The following ETV6 variants were observed in gnomAD, a reference collection of about 807,000 sequenced individuals.
ETV6 encodes the protein transcription factor ETV6.
A neutral mutation model predicts 51.1 loss-of-function variants in ETV6; 16 were observed. The observed-to-expected ratio is 0.31, with a 90% CI of 0.21 to 0.48. The LOEUF (loss-of-function observed/expected upper bound fraction) is 0.48. Ranked by LOEUF, ETV6 falls within the 20% of genes least tolerant of loss-of-function variation. The pLI, the probability that ETV6 is intolerant of heterozygous loss-of-function variation, is 0.99. For missense variants in ETV6, 458 were observed against 594.8 expected, an observed-to-expected ratio of 0.77 and a Z score of 2.39; for synonymous variants, 240 against 224.1, an observed-to-expected ratio of 1.07 and a Z score of -0.64.
chr12:11,703,431 G>T (rs572555339), intron 1 of ETV6, among the ~76,000 whole-genome samples: 1 of 151,636 alleles, frequency 6.6e-6, no homozygotes, highest in Non-Finnish European at 1.5e-5. Context: ...AAAGGTTAGA[G>T]AAATTTGGGG....
At chr12:11,650,278 T>C (rs1379603622) in intron 1 of ETV6, 118 bp downstream of exon 1, 5 of 930,644 alleles carry the variant, frequency 5.4e-6, no homozygotes, top group Admixed American at 1.7e-5. Context: ...AGGAAATTAT[T>C]TGGGGCGAGA....
At chr12:11,806,359 A>G (rs886718585) in intron 2 of ETV6, among the ~76,000 whole-genome samples, 1 of 152,256 alleles carries the variant, frequency 6.6e-6, no homozygotes, top group African/African-American at 2.4e-5. Context: ...CCAAAAGTCT[A>G]GTAACAGGCA....
intron 2 of ETV6, among the ~76,000 whole-genome samples, chr12:11,808,083 C>T (rs1945855970): frequency 6.6e-6 from 1 of 152,152 alleles, no homozygotes; most frequent in Non-Finnish European, 1.5e-5. Context: ...ACAAGGCATT[C>T]CTAGAATTCT....
intron 2 of ETV6, among the ~76,000 whole-genome samples, chr12:11,789,490 A>G (rs1201887772): frequency 1.3e-5 from 2 of 152,110 alleles, no homozygotes; most frequent in Non-Finnish European, 2.9e-5. Context: ...GTGCCCAGCT[A>G]TGACCTTTGT....
chr12:11,709,971 T>C (rs1437053838), intron 1 of ETV6, among the ~76,000 whole-genome samples: 1 of 152,240 alleles, frequency 6.6e-6, no homozygotes, highest in Non-Finnish European at 1.5e-5. Context: ...TCACTTTCTC[T>C]GGAGAACCCT....
At chr12:11,752,902 T>C in intron 2 of ETV6, 1 of 218,376 alleles carries the variant, frequency 4.6e-6, no homozygotes, top group Non-Finnish European at 9.0e-6. Context: ...GCAAAGTTTA[T>C]CTGTATTCTC....
At chr12:11,831,103 T>C (rs745696185) in intron 2 of ETV6, among the ~76,000 whole-genome samples, 4 of 152,160 alleles carry the variant, frequency 2.6e-5, no homozygotes, top group Non-Finnish European at 4.4e-5. Context: ...ATGACCCTTA[T>C]TGGAATAAGA....
At chr12:11,776,358 T>G (rs1216128869) in intron 2 of ETV6, among the ~76,000 whole-genome samples, 1 of 152,186 alleles carries the variant, frequency 6.6e-6, no homozygotes, top group Non-Finnish European at 1.5e-5. Flanking sequence ...GAAATGTTGA[T>G]TTTTAGAATA....
At chr12:11,750,522 T>G (rs1461893643) in intron 1 of ETV6, among the ~76,000 whole-genome samples, 1 of 152,212 alleles carries the variant, frequency 6.6e-6, no homozygotes, top group Admixed American at 6.5e-5. Flanking sequence ...CTTGCACTCA[T>G]GAAGCACCAT....
intron 1 of ETV6, among the ~76,000 whole-genome samples, chr12:11,666,311 C>G (rs180860551): frequency 7.9e-5 from 12 of 152,148 alleles, no homozygotes; most frequent in Non-Finnish European, 1.6e-4. Context: ...TCTCTCCTAC[C>G]CTATCTGAGA....
chr12:11,839,906 C>G (rs1017452240), intron 3 of ETV6, among the ~76,000 whole-genome samples: 1 of 152,032 alleles, frequency 6.6e-6, no homozygotes. Context: ...GCCATTTTGG[C>G]CTTTTGACTC....
intron 2 of ETV6, among the ~76,000 whole-genome samples, chr12:11,765,715 T>TG (rs144541095): frequency 0.021 from 3,162 of 151,666 alleles, 107 homozygotes; most frequent in African/African-American, 0.067. Flanking sequence ...AAAGCGTGCA[T>TG]GGGGAAAAAA....
chr12:11,775,759 A>G (rs1458435651), intron 2 of ETV6, among the ~76,000 whole-genome samples: 2 of 152,242 alleles, frequency 1.3e-5, no homozygotes, highest in Non-Finnish European at 2.9e-5. Context: ...GTGATAAACC[A>G]TACAAGCAGC....
At chr12:11,695,607 C>T (rs898945595) in intron 1 of ETV6, among the ~76,000 whole-genome samples, 3 of 152,212 alleles carry the variant, frequency 2.0e-5, no homozygotes, top group East Asian at 1.9e-4. Context: ...TTTTCTCAAC[C>T]GGGTTTCATC....
At position 11,649,954 on chromosome 12, in the gene ETV6, G is replaced by GCCGCC. The variant is rs567666210; in HGVS notation, c.-159_-155dup. Reference sequence around the variant, plus strand: ...CCGCCCCGCGCGCCCAACTCCGCCGGCCGCCCCGCCCCGCCCCGCGCGCTC... The same window carrying GCCGCC: ...CCGCCCCGCGCGCCCAACTCCGCCGGCCGCCCCGCCCCGCCCCGCCCCGCGCGCTC... On this transcript the variant is annotated 5_prime_UTR_variant, in exon 1 of 8. An upstream open reading frame in the 5' UTR gains an earlier in-frame stop. Coordinates refer to ENST00000396373, the MANE Select transcript of ETV6 (RefSeq NM_001987.5). The GCCGCC allele has an allele frequency of 2.5e-4, 100 of 401,582 alleles. No individual in the cohort carries two copies. Among genetic ancestry groups the GCCGCC allele is most frequent in the African/African-American group, 6.9e-4 (33 of 47,666 alleles). 24.9% of individuals were successfully genotyped at this position (401,582 alleles called of 1,614,324 possible). A position where few individuals can be genotyped will look rare whatever the true frequency, so the allele number is the denominator to read the frequency against.
chr12:11,677,716 A>C (rs1433096773), intron 1 of ETV6, among the ~76,000 whole-genome samples: 1 of 152,214 alleles, frequency 6.6e-6, no homozygotes, highest in Non-Finnish European at 1.5e-5. Context: ...AGTGCCACTT[A>C]CTCTATAACT....
At chr12:11,879,188 C>T (rs937776910) in intron 5 of ETV6, among the ~76,000 whole-genome samples, 2 of 152,130 alleles carry the variant, frequency 1.3e-5, no homozygotes, top group Admixed American at 6.5e-5. Context: ...GTAACAGGGA[C>T]ACTCAGCCTC....
At chr12:11,860,645 G>A (rs1946703029) in intron 4 of ETV6, among the ~76,000 whole-genome samples, 1 of 151,866 alleles carries the variant, frequency 6.6e-6, no homozygotes, top group African/African-American at 2.4e-5. Context: ...TTCGGTAAAT[G>A]TTATTCATTA....
At chr12:11,771,439 CA>C (rs1214253230) in intron 2 of ETV6, among the ~76,000 whole-genome samples, 1 of 152,174 alleles carries the variant, frequency 6.6e-6, no homozygotes, top group East Asian at 1.9e-4. Flanking sequence ...TAAATCTCAG[CA>C]GAGATAAACT....
Sources: gnomAD v4.1 joint callset for allele counts (sites outside exome capture counted in the v4.1 genomes callset) on GRCh38, gnomAD v4.1.1 for gene constraint, MANE v1.5 for transcripts, NCBI Gene and HGNC (gene_info 2026-07-23, HGNC 2026-07-21) for gene names.